The following EIF4E1B variants were observed in gnomAD, a reference collection of about 807,000 sequenced individuals.
EIF4E1B encodes eukaryotic translation initiation factor 4E family member 1B.
A neutral mutation model predicts 31.3 loss-of-function variants in EIF4E1B; 22 were observed. The ratio of observed to expected loss-of-function variants is 0.70; its 90% CI spans 0.50 to 1.00. The LOEUF is 1.00. Among genes scored for constraint, EIF4E1B ranks in the 50% least tolerant of loss-of-function variants. The pLI, the probability that EIF4E1B is intolerant of heterozygous loss-of-function variation, is 0.00. For missense variants in EIF4E1B, 290 were observed against 311.6 expected, an observed-to-expected ratio of 0.93 and a Z score of 0.52; for synonymous variants, 126 against 120.2, an observed-to-expected ratio of 1.05 and a Z score of -0.31.
chr5:176,634,331 G>C (rs1228423044), intron 1 of EIF4E1B, among the ~76,000 whole-genome samples: 1 of 152,136 alleles, frequency 6.6e-6, no homozygotes, highest in Non-Finnish European at 1.5e-5. Flanking sequence ...GGCTCTCCAA[G>C]GTTGGGGCGG....
At chr5:176,632,586 T>C (rs1228037383) in intron 1 of EIF4E1B, among the ~76,000 whole-genome samples, 1 of 152,178 alleles carries the variant, frequency 6.6e-6, no homozygotes, top group Non-Finnish European at 1.5e-5. Flanking sequence ...GAGAAAACTG[T>C]TAAAGGGAGT....
At chr5:176,633,014 G>A (rs1760431742) in intron 1 of EIF4E1B, among the ~76,000 whole-genome samples, 1 of 152,188 alleles carries the variant, frequency 6.6e-6, no homozygotes, top group South Asian at 2.1e-4. Context: ...TCCTGCCAAG[G>A]ACCATTGGCA....
chr5:176,635,852 T>C (rs542337016), intron 1 of EIF4E1B, among the ~76,000 whole-genome samples: 164 of 152,296 alleles, frequency 1.1e-3, no homozygotes, highest in Non-Finnish European at 1.8e-3. Context: ...AGTCTAGCTC[T>C]GTTGCCCAGG....
Position 176,645,977 on chromosome 5 carries a change from G to GT in EIF4E1B, c.727dup (p.Ter243LeufsTer33), listed in dbSNP as rs1561912090. 6.2e-7 allele frequency: 1 copy of GT among 1,601,264 alleles called. No homozygotes were observed. The highest frequency in any genetic ancestry group is 8.5e-7 in the Non-Finnish European group (1 of 1,174,018). On this transcript the variant is annotated frameshift_variant, in exon 9 of 9. Transcript: ENST00000318682. LOFTEE classifies it high-confidence loss of function. The surrounding 1 kb of genome is among the most constrained non-coding windows in gnomAD (Gnocchi z 5.4). The stretch of plus-strand genomic sequence containing the variant: ...CCCTAGCCAAGAACAAGTTTGTGGT[G>GT]TGAGGGGGGCCTTGGCACCCCTCCT...
chr5:176,634,564 A>G (rs1760463090), intron 1 of EIF4E1B, among the ~76,000 whole-genome samples: 1 of 152,150 alleles, frequency 6.6e-6, no homozygotes, highest in African/African-American at 2.4e-5. Flanking sequence ...TTTGAGTATT[A>G]TCTATGTTTT....
At chr5:176,635,600 C>A (rs1242834918) in intron 1 of EIF4E1B, among the ~76,000 whole-genome samples, 1 of 152,178 alleles carries the variant, frequency 6.6e-6, no homozygotes, top group African/African-American at 2.4e-5. Context: ...TTCACTTAAA[C>A]AAGTCCAGTG....
At chr5:176,641,545 T>C (rs574771261) in intron 1 of EIF4E1B, 7 of 152,196 alleles carry the variant, frequency 4.6e-5, no homozygotes, top group East Asian at 1.9e-4. Context: ...CTTCAGTGGG[T>C]TGTGTTTGTG....
At chr5:176,643,569 C>A in intron 4 of EIF4E1B, 70 bp from the exon 5 acceptor site, 1 of 1,448,890 alleles carries the variant, frequency 6.9e-7, no homozygotes, top group Non-Finnish European at 9.5e-7. Context: ...TCCTCCCTGT[C>A]AGTCCAGGTG....
At chr5:176,644,205 G>T in intron 5 of EIF4E1B, 171 bp from the exon 6 acceptor site, 1 of 337,078 alleles carries the variant, frequency 3.0e-6, no homozygotes, top group Non-Finnish European at 5.1e-6. Flanking sequence ...CTGTGGAAAA[G>T]GTGGGTCTTG....
intron 1 of EIF4E1B, among the ~76,000 whole-genome samples, chr5:176,632,965 G>A (rs1366538799): frequency 2.0e-5 from 3 of 152,166 alleles, no homozygotes; most frequent in Non-Finnish European, 2.9e-5. Context: ...CGGGGTGGGG[G>A]AGGGGTGTGT....
chr5:176,644,469 C>CA (rs1561911253), intron 6 of EIF4E1B, 30 bp downstream of exon 6: 10 of 1,564,042 alleles, frequency 6.4e-6, no homozygotes, highest in East Asian at 2.4e-5. Context: ...TTCCCTCCCG[C>CA]AAAGGGACAA....
rs1326023499 is a variant in EIF4E1B at position 176,643,182 on chromosome 5, C to G, written c.116C>G (p.Pro39Arg). ...ACAGGAGAAAAGTCTCCAAACTCTC[C>G]CAGGACTTTGCTGTCTCTGAGAGGG... The part of the protein sequence containing the change: ...TPTGEKSPNS[P>R]RTLLSLRGKA... The change falls in exon 4 of 9, where the codon CCC becomes CGC. Residue 39 changes from proline (P) to arginine (R), a missense_variant. Pro to Arg is a moderately radical substitution (Grantham distance 103, BLOSUM62 -2). Coordinates refer to ENST00000318682, the MANE Select transcript of EIF4E1B (RefSeq NM_001099408.2). The G allele has an allele frequency of 6.2e-7, 1 of 1,613,786 alleles. No homozygotes were observed. The highest frequency in any genetic ancestry group is 8.5e-7 in the Non-Finnish European group (1 of 1,179,868).
intron 1 of EIF4E1B, chr5:176,641,696 C>T (rs1321210732): frequency 6.6e-6 from 1 of 152,480 alleles, no homozygotes; most frequent in Admixed American, 6.5e-5. Flanking sequence ...AGCAAATACT[C>T]AGCCTCCAGA....
At chr5:176,636,279 G>C (rs57244735) in intron 1 of EIF4E1B, among the ~76,000 whole-genome samples, 2 of 152,208 alleles carry the variant, frequency 1.3e-5, no homozygotes, top group Non-Finnish European at 2.9e-5. Flanking sequence ...GGCAAAGCTC[G>C]GGCTCGTGGG....
rs1464368637 is a variant in EIF4E1B, at chr5:176,642,697, C to T, written c.-78-13C>T. The T allele has an allele frequency of 2.4e-5, 37 of 1,533,510 alleles. No individual in the cohort carries two copies. The highest frequency in any genetic ancestry group is 1.5e-4 in the East Asian group (6 of 40,706). 95.0% of individuals were successfully genotyped at this position (1,533,510 alleles called of 1,614,324 possible). ...CCTTCGAGCAGGCTCCAAATATTGA[C>T]GCTTACCTTCAGGTCTTGGCCCCCA... is the stretch of plus-strand genomic sequence containing the variant. On this transcript the variant is annotated splice_polypyrimidine_tract_variant and intron_variant, in intron 2 of 8. Coordinates refer to ENST00000318682, the MANE Select transcript of EIF4E1B (RefSeq NM_001099408.2).
intron 1 of EIF4E1B, among the ~76,000 whole-genome samples, chr5:176,637,060 C>A (rs550234879): frequency 5.3e-5 from 8 of 152,224 alleles, no homozygotes; most frequent in Admixed American, 6.5e-5. Flanking sequence ...ATCTATTGAC[C>A]AATCCTCCCT....
At chr5:176,632,643 C>T (rs1415537986) in intron 1 of EIF4E1B, among the ~76,000 whole-genome samples, 12 of 152,242 alleles carry the variant, frequency 7.9e-5, no homozygotes, top group East Asian at 1.9e-4. Flanking sequence ...GGAAGTTTCA[C>T]ATTCCATTGC....
chr5:176,642,657 G>A (rs1392080853), intron 2 of EIF4E1B, 53 bp from the exon 3 acceptor site: 2 of 1,437,492 alleles, frequency 1.4e-6, no homozygotes, highest in African/African-American at 2.8e-5. Context: ...TCCACGGGAT[G>A]CAGACCTTGC....
In EIF4E1B at chr5:176,645,490, A is replaced by G; in HGVS notation, c.588A>G (p.Glu196=). The G allele has an allele frequency of 2.0e-6, 3 of 1,517,194 alleles. No individual in the cohort carries two copies. Among genetic ancestry groups the G allele is most frequent in the Non-Finnish European group, 2.6e-6 (3 of 1,134,918 alleles). 94.0% of individuals were successfully genotyped at this position (1,517,194 alleles called of 1,614,324 possible). A position where few individuals can be genotyped will look rare whatever the true frequency, so the allele number is the denominator to read the frequency against. ...DKIAVWTREA[E]NQAGVLHVGR... ...TCGCTGTGTGGACGAGGGAGGCGGA[A>G]AACCAGGCGGGCGTGCTGCACGTTG... The change falls in exon 8 of 9, where the codon GAA becomes GAG. Residue 196 remains glutamate, a synonymous_variant. Coordinates refer to ENST00000318682, the MANE Select transcript of EIF4E1B (RefSeq NM_001099408.2). This position sits in a 1 kb window ranked among gnomAD's most constrained non-coding sequence, Gnocchi z 5.4.
Sources: allele counts gnomAD v4.1 joint callset (sites outside exome capture counted in the v4.1 genomes callset), GRCh38; gene constraint gnomAD v4.1.1; non-coding constraint Gnocchi (gnomAD v3.1); transcripts MANE v1.5; gene names NCBI Gene and HGNC (gene_info 2026-07-23, HGNC 2026-07-21).